CEP164: variants seen among roughly 807,000 people sequenced by gnomAD.
The protein encoded by CEP164 is centrosomal protein 164.
In CEP164, 162 loss-of-function variants were observed where a neutral mutation model predicts 182.7. The observed-to-expected ratio is 0.89, with a 90% CI of 0.78 to 1.01. The LOEUF (loss-of-function observed/expected upper bound fraction) is 1.01, where lower values mean the gene tolerates loss of function less well. CEP164 is among the 50% of genes least tolerant of loss of function. The pLI is 0.00. For synonymous variants in CEP164, 661 were observed against 690.0 expected (o/e 0.96, Z 0.66); for missense variants, 1,735 against 1,790.4 (o/e 0.97, Z 0.56).
chr11:117,394,493 G>A lies in CEP164; in HGVS notation c.2760G>A (p.Gln920=). The change falls in exon 21 of 33, where the codon CAG becomes CAA. Residue 920 remains glutamine, a splice_region_variant and synonymous_variant. Coordinates refer to ENST00000278935, the MANE Select transcript of CEP164 (RefSeq NM_014956.5). This position sits in a 1 kb window ranked among gnomAD's most constrained non-coding sequence, Gnocchi z 4.0. ...ACTTGCGGCGCCGGCACAGGGAGCA[G>A]GTGAGGGGCCTGGGGCAGGGTGAGC... The part of the protein sequence containing the change: ...LEDLRRRHRE[Q]ERKLQDLELD... The A allele has an allele frequency of 6.2e-7, 1 of 1,613,654 alleles. No homozygotes were observed. The highest frequency in any genetic ancestry group is 1.1e-5 in the South Asian group (1 of 91,026).
chr11:117,396,242 G>C (rs936486128), intron 25 of CEP164, 62 bp downstream of exon 25: 10 of 1,566,504 alleles, frequency 6.4e-6, no homozygotes, highest in Non-Finnish European at 8.7e-6. Context: ...ATTGGGAGGG[G>C]CTGGGCATCA....
intron 8 of CEP164, among the ~76,000 whole-genome samples, chr11:117,364,509 G>A (rs946077942): frequency 6.6e-5 from 10 of 151,560 alleles, no homozygotes; most frequent in African/African-American, 2.4e-4. Flanking sequence ...GATAGCCCCT[G>A]ATTTGGTACT....
At chr11:117,354,989 C>T (rs1468683398) in intron 5 of CEP164, 2 of 1,289,600 alleles carry the variant, frequency 1.6e-6, no homozygotes, top group Non-Finnish European at 2.0e-6. Flanking sequence ...CAGCTTGTCT[C>T]CTCCGTCAGC....
At chr11:117,373,395 T>A (rs1257309561) in intron 9 of CEP164, among the ~76,000 whole-genome samples, 1 of 152,088 alleles carries the variant, frequency 6.6e-6, no homozygotes, top group East Asian at 1.9e-4. Context: ...ATCTATTTCC[T>A]GGGAAAGATG....
chr11:117,408,160 C>G (rs1388894891), intron 28 of CEP164, 128 bp downstream of exon 28: 1 of 611,706 alleles, frequency 1.6e-6, no homozygotes, highest in Non-Finnish European at 2.9e-6. Context: ...GGGCAGTAGG[C>G]TTGTCTACTG....
chr11:117,344,789 G>A (rs985109155), intron 4 of CEP164, among the ~76,000 whole-genome samples: 1 of 152,110 alleles, frequency 6.6e-6, no homozygotes, highest in Non-Finnish European at 1.5e-5. Flanking sequence ...TTAGCTGGGT[G>A]TGGTAGTGCA....
At chr11:117,410,757 A>G in intron 30 of CEP164, 71 bp from the exon 31 acceptor site, 2 of 1,263,352 alleles carry the variant, frequency 1.6e-6, no homozygotes, top group Non-Finnish European at 2.3e-6. Flanking sequence ...TATTCTGGGG[A>G]GGCAAGAGGT....
chr11:117,382,659 T>G (rs1592292907), intron 13 of CEP164, 137 bp from the exon 14 acceptor site: 3 of 976,054 alleles, frequency 3.1e-6, no homozygotes, highest in East Asian at 2.4e-5. Context: ...GAGAGGGAGG[T>G]CTAAGACCCG....
chr11:117,378,592 T>G (rs1273910567), intron 11 of CEP164, among the ~76,000 whole-genome samples: 1 of 152,044 alleles, frequency 6.6e-6, no homozygotes, highest in African/African-American at 2.4e-5. Context: ...GAGAGGGAAA[T>G]GGTATTTTAG....
chr11:117,350,329 G>A (rs1565449381), intron 4 of CEP164, among the ~76,000 whole-genome samples: 1 of 152,022 alleles, frequency 6.6e-6, no homozygotes, highest in South Asian at 2.1e-4. Context: ...CAAGTCTCCT[G>A]AGTAACTGGG....
chr11:117,391,201 G>C lies in CEP164; in HGVS notation c.2269G>C (p.Gly757Arg), dbSNP rs757911593. Residue 757 changes from glycine (G) to arginine (R), a missense_variant, in exon 17 of 33, where the codon GGG becomes CGG. Transcript: ENST00000278935. ...GCAGCAGCTGAGGGAGCAGCTGGAA[G>C]GGGAGAGGAAAGAAGTGAGCTAGTC... is the stretch of plus-strand genomic sequence containing the variant. ...ALQQLREQLE[G>R]ERKEAVATLE... 6.2e-7 allele frequency: 1 copy of C among 1,610,306 alleles called. No individual in the cohort carries two copies. Among genetic ancestry groups the C allele is most frequent in the South Asian group, 1.1e-5 (1 of 90,596 alleles).
chr11:117,342,724 C>T (rs1392653026), intron 3 of CEP164, among the ~76,000 whole-genome samples: 1 of 152,138 alleles, frequency 6.6e-6, no homozygotes, highest in African/African-American at 2.4e-5. Flanking sequence ...GATCTGCCCA[C>T]CTTGGCCTCC....
intron 28 of CEP164, chr11:117,408,678 G>A: frequency 3.3e-6 from 2 of 614,608 alleles, no homozygotes; most frequent in East Asian, 5.9e-5. Flanking sequence ...AAGGGCGACA[G>A]CCTACATACC....
chr11:117,344,145 CA>C lies in CEP164; in HGVS notation c.83-20del. On this transcript the variant is annotated intron_variant, in intron 3 of 32. Transcript: ENST00000278935. ...CTTCTTTTCATCTCTCTTACTTTCC[CA>C]CCTCTGCCTCTCCTTGCAGAAATTC... The C allele has an allele frequency of 6.8e-7, 1 of 1,465,474 alleles. No individual in the cohort carries two copies. Among genetic ancestry groups the C allele is most frequent in the Non-Finnish European group, 9.5e-7 (1 of 1,054,338 alleles). The allele number at this position is 1,465,474 out of a possible 1,614,324, so 90.8% of individuals were successfully genotyped here. A position where few individuals can be genotyped will look rare whatever the true frequency, so the allele number is the denominator to read the frequency against.
Position 117,409,183 on chromosome 11 carries a change from C to A in CEP164, c.3748+155C>A. ...TGCTCGGTCAGTGCTGGGAAGGAAT[C>A]ACACCATCTAGGTTTGCCAGCACGT... On this transcript the variant is annotated intron_variant, in intron 29 of 32. Transcript: ENST00000278935. The surrounding 1 kb of genome is among the most constrained non-coding windows in gnomAD (Gnocchi z 4.4). 9.9e-7 allele frequency: 1 copy of A among 1,014,328 alleles called. No homozygotes were observed. Among genetic ancestry groups the A allele is most frequent in the Non-Finnish European group, 1.4e-6 (1 of 701,846 alleles). The allele number at this position is 1,014,328 out of a possible 1,614,324, so 62.8% of individuals were successfully genotyped here.
intron 5 of CEP164, chr11:117,355,929 G>T: frequency 9.4e-7 from 1 of 1,060,120 alleles, no homozygotes; most frequent in South Asian, 2.9e-5. Flanking sequence ...AGTGAGAAGA[G>T]ACAGGCCCTA....
In CEP164 at chr11:117,412,926, A is replaced by C. The variant is rs1399487962; in HGVS notation, c.*758A>C. On this transcript the variant is annotated 3_prime_UTR_variant, in exon 33 of 33. Transcript: ENST00000278935. The stretch of plus-strand genomic sequence containing the variant: ...TCAAAAACAACTTCTCCAGGAGGCC[A>C]AAAAAAGACTGGGTTGGCTTCTGGT... The C allele has an allele frequency of 6.6e-6, 1 of 152,180 alleles. No individual in the cohort carries two copies. Among genetic ancestry groups the C allele is most frequent in the Non-Finnish European group, 1.5e-5 (1 of 68,038 alleles). 9.4% of individuals were successfully genotyped at this position (152,180 alleles called of 1,614,324 possible).
rs750078480 is a variant in CEP164 at position 117,345,422 on chromosome 11, C to CT, written c.194+1146dup. On this transcript the variant is annotated intron_variant, in intron 4 of 32. Transcript: ENST00000278935. The stretch of plus-strand genomic sequence containing the variant: ...ATGCATAGAGCTCTCTCCAGCTTGT[C>CT]TCCCTAAAGTGAGTGCCATGAATTT... Among the ~76,000 whole-genome samples, 16 of 152,334 alleles carry CT rather than the reference C, an allele frequency of 1.1e-4. No homozygotes were observed. The East Asian group carries it at 1.4e-3, about 13-fold the overall frequency.
chr11:117,325,461 C>T (rs1196230624), upstream of CEP164, among the ~76,000 whole-genome samples: 2 of 152,126 alleles, frequency 1.3e-5, no homozygotes, highest in East Asian at 3.9e-4. Flanking sequence ...TCTCGGCTCA[C>T]TGCAACCTCC....
Sources: gnomAD v4.1 joint callset for allele counts (sites outside exome capture counted in the v4.1 genomes callset) on GRCh38, gnomAD v4.1.1 for gene constraint, Gnocchi (gnomAD v3.1) non-coding constraint, MANE v1.5 for transcripts, NCBI Gene and HGNC (gene_info 2026-07-23, HGNC 2026-07-21) for gene names.